The following GUF1 variants were observed in gnomAD, a reference collection of about 807,000 sequenced individuals.
GUF1 encodes GTP binding elongation factor GUF1, also known as translation factor GUF1, mitochondrial.
A neutral mutation model predicts 82.4 loss-of-function variants in GUF1; 78 were observed. The ratio of observed to expected loss-of-function variants is 0.95; its 90% CI spans 0.79 to 1.14. The LOEUF (loss-of-function observed/expected upper bound fraction) is 1.14. Among genes scored for constraint, GUF1 ranks in the 50% most tolerant of loss-of-function variants. GUF1 has a pLI of 0.00. For synonymous variants in GUF1, 279 were observed against 282.3 expected (o/e 0.99, Z 0.12); for missense variants, 814 against 798.2 (o/e 1.02, Z -0.24).
At chr4:44,693,299 A>G (rs1394052131) in intron 13 of GUF1, among the ~76,000 whole-genome samples, 2 of 152,090 alleles carry the variant, frequency 1.3e-5, no homozygotes, top group Admixed American at 6.5e-5. Context: ...CTTGGAAACA[A>G]AAACACAATT....
rs1435867309 is a variant in GUF1, at chr4:44,690,751, C to G, written c.1370C>G (p.Pro457Arg). 1 of 1,589,652 alleles carries G rather than the reference C, an allele frequency of 6.3e-7. No homozygotes were observed. Among genetic ancestry groups the G allele is most frequent in the Non-Finnish European group, 8.6e-7 (1 of 1,160,018 alleles). Reference protein sequence around the residue: ...HREKEITIINPAQFPDKSKVT... With the variant: ...HREKEITIINRAQFPDKSKVT... ...GAAAAAGAAATTACAATTATCAATC[C>G]TGCACAATTCCCCGATAAATCAAAA... The change falls in exon 12 of 17, where the codon CCT (proline) becomes CGT (arginine). Residue 457 changes from proline to arginine, a missense_variant. Transcript: ENST00000281543.
chr4:44,692,416 GT>G (rs1715507095), intron 13 of GUF1, among the ~76,000 whole-genome samples: 2 of 151,784 alleles, frequency 1.3e-5, no homozygotes, highest in African/African-American at 4.8e-5. Flanking sequence ...TTTTGTTGTT[GT>G]TGTTGTTGTT....
rs781512771 is a variant in GUF1, at chr4:44,678,753, C to T, written c.131C>T (p.Ala44Val). The T allele has an allele frequency of 6.4e-7, 1 of 1,551,270 alleles. No homozygotes were observed. Residue 44 changes from alanine to valine, a missense_variant, in exon 1 of 17, where the codon GCT becomes GTT. Coordinates refer to ENST00000281543, the MANE Select transcript of GUF1 (RefSeq NM_021927.3). ...CTTGGGGCTGCTCCAGAGTCCTGGG[C>T]TACCGACAGGCTCTACAGCTCCGCA... Reference protein sequence around the residue: ...PTLGAAPESWATDRLYSSAEF... With the variant: ...PTLGAAPESWVTDRLYSSAEF...
At chr4:44,695,472 CAG>C (rs143158047) in intron 14 of GUF1, 141 bp from the exon 15 acceptor site, 144 of 476,696 alleles carry the variant, frequency 3.0e-4, no homozygotes, top group African/African-American at 2.7e-3. Context: ...GTTCATGATT[CAG>C]AGAGTAAGAG....
chr4:44,683,771 G>C (rs1714902063), intron 6 of GUF1, among the ~76,000 whole-genome samples: 1 of 151,968 alleles, frequency 6.6e-6, no homozygotes, highest in South Asian at 2.1e-4. Flanking sequence ...GGAAACAATA[G>C]ATTTTATTTA....
intron 9 of GUF1, 37 bp downstream of exon 9, chr4:44,688,183 A>G (rs374484824): frequency 1.8e-4 from 290 of 1,568,114 alleles, no homozygotes; most frequent in Non-Finnish European, 2.4e-4. Flanking sequence ...GAGGGCCATG[A>G]TATTTTTAAA....
Position 44,689,324 on chromosome 4 carries a change from A to G in GUF1, c.1117A>G (p.Lys373Glu). ...PLDQSEYNNLKSAIEKLTLND... is the reference protein window; with the variant it reads ...PLDQSEYNNLESAIEKLTLND... ...AGACCAATCTGAATATAACAATCTGAAGAGTGCTATAGAAAAACTGACTTT... is the reference window on the plus strand; with the variant it reads ...AGACCAATCTGAATATAACAATCTGGAGAGTGCTATAGAAAAACTGACTTT... The change falls in exon 10 of 17, where the codon AAG (lysine) becomes GAG (glutamate). Residue 373 changes from lysine to glutamate, a missense_variant. By Grantham distance (56) the Lys-to-Glu change is moderately conservative (BLOSUM62 1). Transcript: ENST00000281543. 2 of 1,609,864 alleles carry G rather than the reference A, an allele frequency of 1.2e-6. No individual in the cohort carries two copies. The highest frequency in any genetic ancestry group is 1.7e-4 in the Middle Eastern group (1 of 6,046).
chr4:44,695,537 G>A (rs942621352), intron 14 of GUF1, 78 bp from the exon 15 acceptor site: 80 of 1,259,582 alleles, frequency 6.4e-5, no homozygotes, highest in Middle Eastern at 5.9e-4. Flanking sequence ...CCTTTACACT[G>A]ATTATGCAAC....
intron 12 of GUF1, among the ~76,000 whole-genome samples, chr4:44,691,245 A>T (rs1715421939): frequency 6.6e-6 from 1 of 151,688 alleles, no homozygotes; most frequent in Non-Finnish European, 1.5e-5. Context: ...GATTTAATCC[A>T]CAAATGGTAT....
intron 16 of GUF1, among the ~76,000 whole-genome samples, chr4:44,698,112 C>T (rs1301830513): frequency 1.3e-5 from 2 of 152,112 alleles, no homozygotes; most frequent in African/African-American, 4.8e-5. Context: ...TGCCATTGTA[C>T]TCCAGCCTGG....
intron 1 of GUF1, among the ~76,000 whole-genome samples, chr4:44,679,138 T>C (rs939670752): frequency 6.6e-6 from 1 of 152,230 alleles, no homozygotes; most frequent in Admixed American, 6.5e-5. Flanking sequence ...TCCATTTTCC[T>C]GCAAATTAAG....
Position 44,686,696 on chromosome 4 carries a change from GCAGCCAA to G in GUF1, c.923_929del (p.Gln308LeufsTer12). The G allele has an allele frequency of 6.2e-7, 1 of 1,604,846 alleles. No individual in the cohort carries two copies. The highest frequency in any genetic ancestry group is 8.5e-7 in the Non-Finnish European group (1 of 1,172,162). Reference sequence around the variant, plus strand: ...AAGTAGGAGTCTTGAATCCTAATGAGCAGCCAACTCATAAATTGTAAGTAATCTGCAT... The same window carrying G: ...AAGTAGGAGTCTTGAATCCTAATGAGCTCATAAATTGTAAGTAATCTGCAT... On this transcript the variant is annotated frameshift_variant, in exon 8 of 17. Coordinates refer to ENST00000281543, the MANE Select transcript of GUF1 (RefSeq NM_021927.3). LOFTEE classifies it high-confidence loss of function.
intron 13 of GUF1, 116 bp from the exon 14 acceptor site, chr4:44,694,296 T>C (rs1715637462): frequency 1.6e-6 from 1 of 618,268 alleles, no homozygotes; most frequent in Non-Finnish European, 2.9e-6. Context: ...GATGGAAACA[T>C]ATCTCTTTGG....
chr4:44,695,518 A>T, intron 14 of GUF1, 97 bp from the exon 15 acceptor site: 2 of 951,242 alleles, frequency 2.1e-6, no homozygotes, highest in Non-Finnish European at 1.5e-6. Context: ...GAACCTCCTT[A>T]AGAGATCACC....
At chr4:44,688,600 A>T (rs12332043) in intron 9 of GUF1, among the ~76,000 whole-genome samples, 79,740 of 151,518 alleles carry the variant, frequency 0.53, 22,408 homozygotes, top group Non-Finnish European at 0.64. Flanking sequence ...AGAATCTTTT[A>T]CTTCATTTAC....
rs770017358 is a variant in GUF1, at chr4:44,678,764, C to G, written c.142C>G (p.Leu48Val). The change falls in exon 1 of 17, where the codon CTC becomes GTC. Residue 48 changes from leucine (L) to valine (V), a missense_variant. Transcript: ENST00000281543. Reference sequence around the variant, plus strand: ...TCCAGAGTCCTGGGCTACCGACAGGCTCTACAGCTCCGCAGAATTCAAGGT... The same window carrying G: ...TCCAGAGTCCTGGGCTACCGACAGGGTCTACAGCTCCGCAGAATTCAAGGT... ...AAPESWATDR[L>V]YSSAEFKEKL... is the part of the protein sequence containing the mutation. 1 of 1,553,368 alleles carries G rather than the reference C, an allele frequency of 6.4e-7. No homozygotes were observed. The highest frequency in any genetic ancestry group is 1.2e-5 in the South Asian group (1 of 81,854).
chr4:44,686,148 C>A, intron 7 of GUF1, 125 bp downstream of exon 7: 1 of 695,576 alleles, frequency 1.4e-6, no homozygotes, highest in Non-Finnish European at 2.5e-6. Flanking sequence ...GGCAAATATT[C>A]TTGCAGGCAG....
At chr4:44,686,244 CT>C (rs1464763186) in intron 7 of GUF1, among the ~76,000 whole-genome samples, 2 of 151,952 alleles carry the variant, frequency 1.3e-5, no homozygotes, top group East Asian at 3.8e-4. Flanking sequence ...TGATAGAGGT[CT>C]TTTCATGACA....
intron 8 of GUF1, among the ~76,000 whole-genome samples, chr4:44,687,175 C>T (rs1157124020): frequency 6.6e-6 from 1 of 151,890 alleles, no homozygotes; most frequent in African/African-American, 2.4e-5. Flanking sequence ...ATTAGAAAAA[C>T]ATCTGAATTG....
Sources: allele counts gnomAD v4.1 joint callset (sites outside exome capture counted in the v4.1 genomes callset), GRCh38; gene constraint gnomAD v4.1.1; transcripts MANE v1.5; gene names NCBI Gene and HGNC (gene_info 2026-07-23, HGNC 2026-07-21).